Variants in TRAPPC9 observed in about 807,000 individuals in gnomAD.
TRAPPC9 encodes IKK2 binding protein.
In TRAPPC9, 83 loss-of-function variants were observed where a neutral mutation model predicts 124.0. The observed-to-expected ratio is 0.67, with a 90% CI of 0.56 to 0.80. The LOEUF is 0.80. TRAPPC9 is among the 30% of genes least tolerant of loss of function. The pLI is 0.00. For synonymous variants in TRAPPC9, 638 were observed against 617.5 expected (o/e 1.03, Z -0.49); for missense variants, 1,302 against 1,508.3 (o/e 0.86, Z 2.27).
At chr8:140,059,445 C>T (rs1470163121) in intron 17 of TRAPPC9, among the ~76,000 whole-genome samples, 1 of 152,222 alleles carries the variant, frequency 6.6e-6, no homozygotes, top group Non-Finnish European at 1.5e-5. Context: ...CATGCATTTT[C>T]ATTTCCCTTG....
chr8:140,317,611 G>C (rs890219151), intron 9 of TRAPPC9, among the ~76,000 whole-genome samples: 5 of 152,174 alleles, frequency 3.3e-5, no homozygotes, highest in Admixed American at 3.3e-4. Flanking sequence ...ACAGTGATAA[G>C]ATTATAAGTG....
chr8:140,063,958 C>A lies in TRAPPC9; in HGVS notation c.2557-39879G>T, dbSNP rs1842770418. On this transcript the variant is annotated intron_variant, in intron 17 of 22. Transcript: ENST00000438773. This position sits in a 1 kb window ranked among gnomAD's most constrained non-coding sequence, Gnocchi z 4.3. Reference sequence around the variant, plus strand: ...TTGACACTGTGTCTCCTCTTTCCTGCCAGCAAAAATTCGACTCTCTGCTGC... The same window carrying A: ...TTGACACTGTGTCTCCTCTTTCCTGACAGCAAAAATTCGACTCTCTGCTGC... Among the ~76,000 whole-genome samples, 1 of 143,908 alleles carries A rather than the reference C, an allele frequency of 6.9e-6. No homozygotes were observed. Among genetic ancestry groups the A allele is most frequent in the Non-Finnish European group, 1.6e-5 (1 of 63,412 alleles). 94.4% of individuals were successfully genotyped at this position (143,908 alleles called of 152,430 possible).
chr8:140,372,607 A>T (rs1456853599), intron 7 of TRAPPC9, among the ~76,000 whole-genome samples: 1 of 152,130 alleles, frequency 6.6e-6, no homozygotes, highest in African/African-American at 2.4e-5. Context: ...CCCCAAGGTG[A>T]TGGAATTAGG....
intron 17 of TRAPPC9, among the ~76,000 whole-genome samples, chr8:140,049,016 A>G (rs1485150102): frequency 6.6e-6 from 1 of 152,220 alleles, no homozygotes; most frequent in Non-Finnish European, 1.5e-5. Context: ...GCGGGCCTGC[A>G]GGGGTGGTTA....
At chr8:139,760,312 A>G (rs1278221772) in intron 21 of TRAPPC9, among the ~76,000 whole-genome samples, 1 of 152,076 alleles carries the variant, frequency 6.6e-6, no homozygotes, top group Non-Finnish European at 1.5e-5. Context: ...AGGAAAGCAG[A>G]CAGACAGCTT....
At chr8:140,138,846 C>T (rs900429335) in intron 17 of TRAPPC9, among the ~76,000 whole-genome samples, 9 of 152,100 alleles carry the variant, frequency 5.9e-5, no homozygotes, top group African/African-American at 1.9e-4. Context: ...GTCAGATACA[C>T]GGCAGCATGG....
At chr8:140,015,590 T>C (rs1296516401) in intron 18 of TRAPPC9, among the ~76,000 whole-genome samples, 1 of 150,986 alleles carries the variant, frequency 6.6e-6, no homozygotes, top group Non-Finnish European at 1.5e-5. Flanking sequence ...GAGTTAAGAG[T>C]CCAGCCTGGG....
intron 21 of TRAPPC9, among the ~76,000 whole-genome samples, chr8:139,833,023 T>A: frequency 6.6e-6 from 1 of 151,812 alleles, no homozygotes; most frequent in Non-Finnish European, 1.5e-5. Context: ...CCACTGCAGG[T>A]TTGAGATGGA....
chr8:139,737,953 C>T (rs983129006), intron 21 of TRAPPC9, among the ~76,000 whole-genome samples: 2 of 152,166 alleles, frequency 1.3e-5, no homozygotes, highest in African/African-American at 2.4e-5. Flanking sequence ...CTTCCTCTCC[C>T]GCGGGCTGGC....
intron 17 of TRAPPC9, among the ~76,000 whole-genome samples, chr8:140,092,202 CTTT>C (rs59459486): frequency 0.066 from 8,806 of 134,000 alleles, 363 homozygotes; most frequent in African/African-American, 0.13. Flanking sequence ...TTTAATTTTT[CTTT>C]TTTTTTTTTT....
chr8:139,772,185 T>C (rs561385653), intron 21 of TRAPPC9, among the ~76,000 whole-genome samples: 2 of 152,302 alleles, frequency 1.3e-5, no homozygotes, highest in South Asian at 2.1e-4. Context: ...CGTGTGCACA[T>C]GTGCTTACAC....
intron 20 of TRAPPC9, among the ~76,000 whole-genome samples, chr8:139,895,230 G>A (rs993405276): frequency 2.6e-5 from 4 of 152,186 alleles, no homozygotes; most frequent in East Asian, 1.9e-4. Flanking sequence ...TTGACGAGGC[G>A]GGGGGCACAC....
chr8:140,251,065 ACCAAGCACAAAAAG>A (rs2064121021), intron 16 of TRAPPC9, among the ~76,000 whole-genome samples: 1 of 152,174 alleles, frequency 6.6e-6, no homozygotes, highest in South Asian at 2.1e-4. Flanking sequence ...AATTCAAACA[ACCAAGCACAAAAAG>A]CCAAGCCTTC....
At position 139,809,146 on chromosome 8, in the gene TRAPPC9, A is replaced by C. The variant is rs1485130300; in HGVS notation, c.3055+76733T>G. ...GGACTAGGAAACAAATGCCAGATCC[A>C]GATAATCCACTTAACTTGTCCCACT... is the stretch of plus-strand genomic sequence containing the variant. On this transcript the variant is annotated intron_variant, in intron 21 of 22. Coordinates refer to ENST00000438773, the MANE Select transcript of TRAPPC9 (RefSeq NM_001160372.4). Among the ~76,000 whole-genome samples, 8 of 152,378 alleles carry C rather than the reference A, an allele frequency of 5.3e-5. No homozygotes were observed. The East Asian group carries it at 1.3e-3, about 26-fold the overall frequency.
chr8:139,760,450 A>G (rs1226063206), intron 21 of TRAPPC9, among the ~76,000 whole-genome samples: 1 of 152,188 alleles, frequency 6.6e-6, no homozygotes, highest in Non-Finnish European at 1.5e-5. Context: ...TCCAAAGGGC[A>G]TCCAGCAACT....
chr8:140,168,677 A>C (rs2061898248), intron 17 of TRAPPC9, among the ~76,000 whole-genome samples: 1 of 152,182 alleles, frequency 6.6e-6, no homozygotes, highest in Non-Finnish European at 1.5e-5. Flanking sequence ...CTCGAAGGCA[A>C]GGACAGACGG....
At chr8:140,360,875 C>G (rs1310888302) in intron 8 of TRAPPC9, among the ~76,000 whole-genome samples, 2 of 152,184 alleles carry the variant, frequency 1.3e-5, no homozygotes, top group Non-Finnish European at 1.5e-5. Context: ...GTAGCTGGGA[C>G]TACAGTTACA....
At chr8:139,992,945 A>C (rs1046152175) in intron 18 of TRAPPC9, among the ~76,000 whole-genome samples, 4 of 152,168 alleles carry the variant, frequency 2.6e-5, no homozygotes, top group Non-Finnish European at 5.9e-5. Context: ...CAATATTTAA[A>C]AATCTTTAGA....
intron 21 of TRAPPC9, among the ~76,000 whole-genome samples, chr8:139,811,503 C>T (rs1824442094): frequency 6.6e-6 from 1 of 152,228 alleles, no homozygotes; most frequent in Non-Finnish European, 1.5e-5. Context: ...CAGCAGGAGG[C>T]ATTATGTGAA....
Sources: allele counts gnomAD v4.1 joint callset (sites outside exome capture counted in the v4.1 genomes callset), GRCh38; gene constraint gnomAD v4.1.1; non-coding constraint Gnocchi (gnomAD v3.1); transcripts MANE v1.5; gene names NCBI Gene and HGNC (gene_info 2026-07-23, HGNC 2026-07-21).